Variants in NGFR observed in about 807,000 individuals in gnomAD.
NGFR encodes the protein nerve growth factor receptor.
In NGFR, 30 loss-of-function variants were observed where a neutral mutation model predicts 43.2. That is an observed-to-expected ratio of 0.69 (90% CI 0.52 to 0.94). The LOEUF (loss-of-function observed/expected upper bound fraction) is 0.94. Among genes scored for constraint, NGFR ranks in the 40% least tolerant of loss-of-function variants. The pLI, the probability that NGFR is intolerant of heterozygous loss-of-function variation, is 0.00. For synonymous variants in NGFR, 246 were observed against 259.6 expected (o/e 0.95, Z 0.50); for missense variants, 529 against 602.5 (o/e 0.88, Z 1.28).
chr17:49,501,999 A>ATGCCCCC, intron 1 of NGFR, 64 bp from the exon 2 acceptor site: 4 of 330,984 alleles, frequency 1.2e-5, no homozygotes, highest in East Asian at 6.4e-5. Context: ...TCCCCGGAAG[A>ATGCCCCC]ACCCCCCCCA....
rs1167592265 is a variant in NGFR at position 49,506,488 on chromosome 17, G to A, written c.398G>A (p.Gly133Asp). ...TGCCGCGTGTGCGAGGCGGGCTCGG[G>A]CCTCGTGTTCTCCTGCCAGGACAAG... Reference protein sequence around the residue: ...EACRVCEAGSGLVFSCQDKQN... With the variant: ...EACRVCEAGSDLVFSCQDKQN... Residue 133 changes from glycine to aspartate, a missense_variant, in exon 3 of 6, where the codon GGC (glycine) becomes GAC (aspartate). Transcript: ENST00000172229. The A allele has an allele frequency of 1.2e-6, 2 of 1,610,692 alleles. No homozygotes were observed. The highest frequency in any genetic ancestry group is 1.7e-6 in the Non-Finnish European group (2 of 1,179,380).
At chr17:49,504,595 C>A (rs990023302) in intron 2 of NGFR, among the ~76,000 whole-genome samples, 7 of 152,080 alleles carry the variant, frequency 4.6e-5, no homozygotes, top group African/African-American at 1.2e-4. Context: ...GTAAAACACC[C>A]AAAGTCACAC....
At chr17:49,502,977 A>C (rs2071176969) in intron 2 of NGFR, among the ~76,000 whole-genome samples, 1 of 150,888 alleles carries the variant, frequency 6.6e-6, no homozygotes. Context: ...GTGCAATGGC[A>C]TGATCTCAAC....
chr17:49,510,667 AAG>A lies in NGFR; in HGVS notation c.821+8_821+9del. ...GTGGCCTACATAGCCTTCAAGAGGT[AAG>A]AGAGGGCACGGTGGCGACAGAGAGG... On this transcript the variant is annotated splice_donor_5th_base_variant and intron_variant, in intron 4 of 5. Transcript: ENST00000172229. 3 of 1,610,064 alleles carry A rather than the reference AAG, an allele frequency of 1.9e-6. No individual in the cohort carries two copies. Among genetic ancestry groups the A allele is most frequent in the Non-Finnish European group, 2.5e-6 (3 of 1,176,650 alleles).
rs2071251193 is a variant in NGFR at position 49,513,761 on chromosome 17, C to T, written c.*752C>T. On this transcript the variant is annotated 3_prime_UTR_variant, in exon 6 of 6. Coordinates refer to ENST00000172229, the MANE Select transcript of NGFR (RefSeq NM_002507.4). ...TCTGGGAAATGGCTTGAAGCCAAGT[C>T]AGCTTTGCCTTCCACGCTGTCTCCA... 6.6e-6 allele frequency: 1 copy of T among 152,324 alleles called. No homozygotes were observed. Among genetic ancestry groups the T allele is most frequent in the Non-Finnish European group, 1.5e-5 (1 of 68,150 alleles). The allele number at this position is 152,324 out of a possible 1,614,324, so 9.4% of individuals were successfully genotyped here. A position where few individuals can be genotyped will look rare whatever the true frequency, so the allele number is the denominator to read the frequency against.
rs1400123877 is a variant in NGFR, at chr17:49,512,875, C to A, written c.1150C>A (p.Arg384Ser). The change falls in exon 6 of 6, where the codon CGC becomes AGC. Residue 384 changes from arginine to serine, a missense_variant. Coordinates refer to ENST00000172229, the MANE Select transcript of NGFR (RefSeq NM_002507.4). This position sits in a 1 kb window ranked among gnomAD's most constrained non-coding sequence, Gnocchi z 5.2. ...CTTTACCCATGAGGCCTGCCCCGTT[C>A]GCGCCCTGCTTGCAAGCTGGGCCAC... ...DSFTHEACPVRALLASWATQD... is the reference protein window; with the variant it reads ...DSFTHEACPVSALLASWATQD... The A allele has an allele frequency of 2.5e-6, 4 of 1,613,228 alleles. No individual in the cohort carries two copies. Among genetic ancestry groups the A allele is most frequent in the Middle Eastern group, 1.7e-4 (1 of 6,058 alleles).
At chr17:49,510,699 A>T in intron 4 of NGFR, 35 bp downstream of exon 4, 1 of 1,603,978 alleles carries the variant, frequency 6.2e-7, no homozygotes, top group African/African-American at 1.3e-5. Context: ...GAGAGGGGAG[A>T]TGTTTGCCCT....
In NGFR at chr17:49,503,187, T is replaced by C. The variant is rs543701923; in HGVS notation, c.208+983T>C. Reference sequence around the variant, plus strand: ...CACCTGCCTTAGCCTCCCAAAGTGTTGGGATTAGAGGCGTGAGCCACCGTG... The same window carrying C: ...CACCTGCCTTAGCCTCCCAAAGTGTCGGGATTAGAGGCGTGAGCCACCGTG... On this transcript the variant is annotated intron_variant, in intron 2 of 5. Coordinates refer to ENST00000172229, the MANE Select transcript of NGFR (RefSeq NM_002507.4). Among the ~76,000 whole-genome samples the C allele has an allele frequency of 1.3e-3, 192 of 152,056 alleles. 1 individual carries two copies. Among genetic ancestry groups the C allele is most frequent in the Middle Eastern group, 3.4e-3 (1 of 294 alleles).
intron 4 of NGFR, chr17:49,510,996 T>C (rs1022517668): frequency 2.2e-5 from 6 of 277,582 alleles, no homozygotes; most frequent in Non-Finnish European, 2.8e-5. Flanking sequence ...CGTGTGCATA[T>C]GTCTCTTCCC....
chr17:49,504,917 G>T (rs1030970804), intron 2 of NGFR, among the ~76,000 whole-genome samples: 1 of 151,572 alleles, frequency 6.6e-6, no homozygotes, highest in African/African-American at 2.4e-5. Flanking sequence ...GATTACAGAC[G>T]TGCACCACTA....
Position 49,513,082 on chromosome 17 carries a change from C to T in NGFR, c.*73C>T, listed in dbSNP as rs2071245749. 1 of 1,408,594 alleles carries T rather than the reference C, an allele frequency of 7.1e-7. No homozygotes were observed. Among genetic ancestry groups the T allele is most frequent in the South Asian group, 1.5e-5 (1 of 68,070 alleles). 87.3% of individuals were successfully genotyped at this position (1,408,594 alleles called of 1,614,324 possible). On this transcript the variant is annotated 3_prime_UTR_variant, in exon 6 of 6. Transcript: ENST00000172229. Reference sequence around the variant, plus strand: ...CTCCAGCCAACCCCTGTGGAGCCCGCACCCCCACCCTTTGGGGGGGGCCCG... The same window carrying T: ...CTCCAGCCAACCCCTGTGGAGCCCGTACCCCCACCCTTTGGGGGGGGCCCG...
chr17:49,507,666 C>T (rs1356149075), intron 3 of NGFR, among the ~76,000 whole-genome samples: 1 of 152,212 alleles, frequency 6.6e-6, no homozygotes, highest in Admixed American at 6.5e-5. Context: ...AGTGCCTTTA[C>T]ATCCTGTCCA....
At chr17:49,507,424 G>T (rs1292736499) in intron 3 of NGFR, among the ~76,000 whole-genome samples, 1 of 152,172 alleles carries the variant, frequency 6.6e-6, no homozygotes, top group Admixed American at 6.5e-5. Context: ...CAGACCTGGG[G>T]CTCAAAAGCC....
chr17:49,502,161 G>A lies in NGFR; in HGVS notation c.165G>A (p.Gln55=), dbSNP rs763775493. 1.9e-5 allele frequency: 30 copies of A among 1,611,822 alleles called. No individual in the cohort carries two copies. Among genetic ancestry groups the A allele is most frequent in the Admixed American group, 5.0e-5 (3 of 59,974 alleles). The change falls in exon 2 of 6, where the codon CAG becomes CAA. Residue 55 remains glutamine, a synonymous_variant. Coordinates refer to ENST00000172229, the MANE Select transcript of NGFR (RefSeq NM_002507.4). ...KACNLGEGVA[Q]PCGANQTVCE... ...GCAACCTGGGCGAGGGTGTGGCCCA[G>A]CCTTGTGGAGCCAACCAGACCGTGT...
chr17:49,496,381 C>A (rs1382265722), intron 1 of NGFR: 3 of 152,246 alleles, frequency 2.0e-5, no homozygotes, highest in African/African-American at 7.2e-5. Flanking sequence ...GGTTCCCCCA[C>A]GGCCGGCGGG....
In NGFR at chr17:49,495,786, T is replaced by C. The variant is rs2071134827; in HGVS notation, c.66+303T>C. ...CAAGAGGGGGCATGGGGCTCTCCGA[T>C]GCCCAGGTTCTTCGGAAGAGGACAC... On this transcript the variant is annotated intron_variant, in intron 1 of 5. Transcript: ENST00000172229. This position sits in a 1 kb window ranked among gnomAD's most constrained non-coding sequence, Gnocchi z 6.4. 5.7e-6 allele frequency: 2 copies of C among 350,062 alleles called. No individual in the cohort carries two copies. Among genetic ancestry groups the C allele is most frequent in the South Asian group, 1.5e-4 (1 of 6,596 alleles). 21.7% of individuals were successfully genotyped at this position (350,062 alleles called of 1,614,324 possible).
At chr17:49,510,323 G>A (rs1023745613) in intron 3 of NGFR, 89 bp from the exon 4 acceptor site, 15 of 1,553,960 alleles carry the variant, frequency 9.7e-6, no homozygotes, top group African/African-American at 6.8e-5. Context: ...GAGCCAGGGC[G>A]GGGACACAGG....
chr17:49,495,645 T>A lies in NGFR; in HGVS notation c.66+162T>A, dbSNP rs1375444336. On this transcript the variant is annotated intron_variant, in intron 1 of 5. Coordinates refer to ENST00000172229, the MANE Select transcript of NGFR (RefSeq NM_002507.4). This position sits in a 1 kb window ranked among gnomAD's most constrained non-coding sequence, Gnocchi z 6.4. ...GATGCCGGGACCACGAAGGAGGGTC[T>A]AGGGTTCCCGGAGCGCAGAGGCGAC... The A allele has an allele frequency of 1.6e-6, 1 of 620,078 alleles. No homozygotes were observed. Among genetic ancestry groups the A allele is most frequent in the African/African-American group, 1.9e-5 (1 of 52,618 alleles). 38.4% of individuals were successfully genotyped at this position (620,078 alleles called of 1,614,324 possible).
At chr17:49,496,555 G>C (rs1273608839) in intron 1 of NGFR, 3 of 152,306 alleles carry the variant, frequency 2.0e-5, no homozygotes, top group Non-Finnish European at 4.4e-5. Flanking sequence ...CTCTGGCTAC[G>C]CAGGCGGGAG....
Sources: allele counts gnomAD v4.1 joint callset (sites outside exome capture counted in the v4.1 genomes callset), GRCh38; gene constraint gnomAD v4.1.1; non-coding constraint Gnocchi (gnomAD v3.1); transcripts MANE v1.5; gene names NCBI Gene and HGNC (gene_info 2026-07-23, HGNC 2026-07-21).